Variants in ZNRF3 observed in about 807,000 individuals in gnomAD.
ZNRF3 encodes E3 ubiquitin-protein ligase ZNRF3.
ZNRF3 carries 23 observed loss-of-function variants against 72.5 expected under a neutral mutation model. That is an observed-to-expected ratio of 0.32 (90% CI 0.23 to 0.45). The LOEUF (loss-of-function observed/expected upper bound fraction) is 0.45, where lower values mean the gene tolerates loss of function less well. ZNRF3 is among the 20% of genes least tolerant of loss of function. ZNRF3 has a pLI of 1.00. For missense variants in ZNRF3, 1,169 were observed against 1,272.1 expected (o/e 0.92, Z 1.23); for synonymous variants, 610 against 545.3 (o/e 1.12, Z -1.65).
At chr22:29,021,762 ACAGGCGTAAGCCACCGTGC>A (rs1405862431) in intron 2 of ZNRF3, among the ~76,000 whole-genome samples, 1 of 152,210 alleles carries the variant, frequency 6.6e-6, no homozygotes, top group Non-Finnish European at 1.5e-5. Context: ...TGCTGGGATT[ACAGGCGTAAGCCACCGTGC>A]CCGGCCTTGT....
At chr22:29,046,960 C>A in intron 6 of ZNRF3, 77 bp downstream of exon 6, 1 of 1,336,794 alleles carries the variant, frequency 7.5e-7, no homozygotes, top group Non-Finnish European at 9.9e-7. Flanking sequence ...CCTAGAAGGA[C>A]AGGGCCCTGT....
At chr22:28,982,860 G>A (rs2035790458) in intron 1 of ZNRF3, among the ~76,000 whole-genome samples, 1 of 152,168 alleles carries the variant, frequency 6.6e-6, no homozygotes, top group Admixed American at 6.5e-5. Context: ...TGTCGTCAGG[G>A]GCCAGCTGAC....
chr22:29,028,171 G>T (rs2036678462), intron 2 of ZNRF3, among the ~76,000 whole-genome samples: 1 of 152,236 alleles, frequency 6.6e-6, no homozygotes, highest in Admixed American at 6.5e-5. Flanking sequence ...TAGTGTTTGT[G>T]AACTTGCATT....
intron 1 of ZNRF3, among the ~76,000 whole-genome samples, chr22:28,944,006 C>A (rs1015147239): frequency 6.6e-6 from 1 of 150,604 alleles, no homozygotes; most frequent in Non-Finnish European, 1.5e-5. Context: ...TCCAAAAGAA[C>A]CCCGGATTAA....
In ZNRF3 at chr22:28,918,731, A is replaced by G. The variant is rs536438801; in HGVS notation, c.300+34665A>G. On this transcript the variant is annotated intron_variant, in intron 1 of 8. Transcript: ENST00000544604. ...TATCCTGGGGTATGTGCGAAGCTAC[A>G]ATGTTTCCACTTCGTCCTAAAGTGG... Among the ~76,000 whole-genome samples the G allele has an allele frequency of 5.9e-5, 9 of 152,248 alleles. No individual in the cohort carries two copies. The South Asian group carries it at 6.2e-4, about 11-fold the overall frequency.
intron 1 of ZNRF3, among the ~76,000 whole-genome samples, chr22:28,943,209 TCCTCCCCCAGTG>T (rs1427572818): frequency 6.6e-6 from 1 of 150,506 alleles, no homozygotes; most frequent in East Asian, 2.0e-4. Context: ...CCCCCGGGGG[TCCTCCCCCAGTG>T]CCTCCCCCTG....
At chr22:29,046,363 C>T (rs906189006) in intron 5 of ZNRF3, among the ~76,000 whole-genome samples, 6 of 152,182 alleles carry the variant, frequency 3.9e-5, no homozygotes, top group African/African-American at 1.4e-4. Flanking sequence ...CTGTCACCAC[C>T]TCCTTCAACA....
intron 2 of ZNRF3, among the ~76,000 whole-genome samples, chr22:29,028,724 T>G (rs1281937602): frequency 6.6e-6 from 1 of 152,198 alleles, no homozygotes; most frequent in East Asian, 1.9e-4. Flanking sequence ...CCACCTCCCT[T>G]GCAGAGTTGC....
At chr22:28,928,490 CTTT>C (rs10710766) in intron 1 of ZNRF3, among the ~76,000 whole-genome samples, 29 of 80,598 alleles carry the variant, frequency 3.6e-4, no homozygotes, top group Admixed American at 7.9e-4. Context: ...CCAGAAATGT[CTTT>C]TTTTTTTTTT....
At chr22:29,047,469 C>T (rs565423113) in intron 6 of ZNRF3, among the ~76,000 whole-genome samples, 11 of 152,346 alleles carry the variant, frequency 7.2e-5, no homozygotes, top group African/African-American at 2.4e-4. Context: ...TCCACTGCTG[C>T]AGAGACTGTT....
rs553747323 is a variant in ZNRF3 at position 28,886,669 on chromosome 22, A to G, written c.300+2603A>G. The stretch of plus-strand genomic sequence containing the variant: ...TTCCTTTTATTTACTATCTTAAAAG[A>G]AAATAGTAGCCAGGCATGGTGACTG... On this transcript the variant is annotated intron_variant, in intron 1 of 8. Coordinates refer to ENST00000544604, the MANE Select transcript of ZNRF3 (RefSeq NM_001206998.2). 2.2e-3 allele frequency among the ~76,000 whole-genome samples: 330 copies of G among 152,326 alleles called. 2 individuals carry two copies. Among genetic ancestry groups the G allele is most frequent in the African/African-American group, 7.5e-3 (313 of 41,572 alleles).
chr22:29,031,926 C>G (rs2036768041), intron 2 of ZNRF3, among the ~76,000 whole-genome samples: 1 of 152,246 alleles, frequency 6.6e-6, no homozygotes, highest in South Asian at 2.1e-4. Context: ...TCTCTCAAGC[C>G]TTCAAGCCTA....
chr22:28,991,053 G>A (rs187690005), intron 2 of ZNRF3, among the ~76,000 whole-genome samples: 54 of 151,954 alleles, frequency 3.6e-4, no homozygotes, highest in African/African-American at 9.2e-4. Context: ...AGGCTGAGGC[G>A]CGCCGATTGC....
intron 6 of ZNRF3, among the ~76,000 whole-genome samples, chr22:29,047,669 C>G (rs1203817788): frequency 6.6e-6 from 1 of 152,122 alleles, no homozygotes; most frequent in Non-Finnish European, 1.5e-5. Context: ...CAGGGTAGAC[C>G]CTTTGTCATT....
intron 2 of ZNRF3, chr22:29,025,564 CT>C (rs201290663): frequency 4.7e-4 from 69 of 147,290 alleles, no homozygotes; most frequent in Middle Eastern, 7.0e-3. Flanking sequence ...CTCTTTCTTT[CT>C]TTTTTTTTTT....
At chr22:28,903,691 T>A (rs887502696) in intron 1 of ZNRF3, among the ~76,000 whole-genome samples, 2 of 151,982 alleles carry the variant, frequency 1.3e-5, no homozygotes, top group African/African-American at 2.4e-5. Context: ...TGAAACTAGG[T>A]GCTAGGAAAT....
At chr22:29,040,726 G>C (rs1194324575) in intron 2 of ZNRF3, among the ~76,000 whole-genome samples, 3 of 152,240 alleles carry the variant, frequency 2.0e-5, no homozygotes, top group African/African-American at 7.2e-5. Context: ...GACAAAGACA[G>C]ATTGTCCAGA....
chr22:29,045,586 T>G (rs2037053618), intron 5 of ZNRF3, among the ~76,000 whole-genome samples: 1 of 151,918 alleles, frequency 6.6e-6, no homozygotes, highest in Admixed American at 6.6e-5. Flanking sequence ...CCTCCCGGGG[T>G]CAACTGAGTC....
At chr22:28,976,995 G>A (rs778598279) in intron 1 of ZNRF3, among the ~76,000 whole-genome samples, 4 of 152,066 alleles carry the variant, frequency 2.6e-5, no homozygotes, top group African/African-American at 7.3e-5. Flanking sequence ...ATTCTAGGGC[G>A]TGGGAGATAC....
Sources: gnomAD v4.1 joint callset for allele counts (sites outside exome capture counted in the v4.1 genomes callset) on GRCh38, gnomAD v4.1.1 for gene constraint, MANE v1.5 for transcripts, NCBI Gene and HGNC (gene_info 2026-07-23, HGNC 2026-07-21) for gene names.